NXPH1: variants seen among roughly 807,000 people sequenced by gnomAD.
The protein encoded by NXPH1 is neurexophilin 1, also known as neurexophilin-1.
NXPH1 carries 5 observed loss-of-function variants against 23.7 expected under a neutral mutation model. That is an observed-to-expected ratio of 0.21 (90% confidence interval 0.11 to 0.44). The LOEUF (loss-of-function observed/expected upper bound fraction) is 0.44. Among genes scored for constraint, NXPH1 ranks in the 20% least tolerant of loss-of-function variants. The pLI is 0.99. For synonymous variants in NXPH1, 144 were observed against 122.2 expected, an observed-to-expected ratio of 1.18 and a Z score of -1.18; for missense variants, 324 against 321.6, an observed-to-expected ratio of 1.01 and a Z score of -0.06.
intron 2 of NXPH1, among the ~76,000 whole-genome samples, chr7:8,539,951 G>A (rs1818087286): frequency 6.6e-6 from 1 of 151,758 alleles, no homozygotes; most frequent in Non-Finnish European, 1.5e-5. Flanking sequence ...ATATGTGCAA[G>A]ACAGTAAACC....
chr7:8,745,330 G>T (rs1411103979), intron 2 of NXPH1, among the ~76,000 whole-genome samples: 4 of 150,226 alleles, frequency 2.7e-5, no homozygotes, highest in Non-Finnish European at 4.4e-5. Flanking sequence ...CTTGTTTTTT[G>T]TGTATGGTGA....
intron 2 of NXPH1, among the ~76,000 whole-genome samples, chr7:8,476,885 T>C (rs1475911166): frequency 2.0e-5 from 3 of 152,170 alleles, no homozygotes; most frequent in Non-Finnish European, 4.4e-5. Flanking sequence ...CTAACAACCA[T>C]ATAGAACTAT....
At chr7:8,451,131 T>A (rs963010904) in intron 2 of NXPH1, among the ~76,000 whole-genome samples, 1 of 150,154 alleles carries the variant, frequency 6.7e-6, no homozygotes, top group Non-Finnish European at 1.5e-5. Flanking sequence ...TTTTCAACTA[T>A]CATCTGTGTT....
intron 2 of NXPH1, among the ~76,000 whole-genome samples, chr7:8,552,171 G>A (rs902085268): frequency 1.4e-5 from 2 of 143,082 alleles, no homozygotes; most frequent in Non-Finnish European, 3.0e-5. Flanking sequence ...CCGTTAAGGA[G>A]AGTAATGTAA....
chr7:8,714,584 A>G (rs1213990780), intron 2 of NXPH1, among the ~76,000 whole-genome samples: 1 of 151,968 alleles, frequency 6.6e-6, no homozygotes, highest in East Asian at 2.0e-4. Context: ...GTCTCGCCCA[A>G]TGCCCACAGT....
intron 2 of NXPH1, among the ~76,000 whole-genome samples, chr7:8,724,104 T>G (rs1013233596): frequency 6.6e-6 from 1 of 152,202 alleles, no homozygotes; most frequent in Non-Finnish European, 1.5e-5. Flanking sequence ...TTAGTAGTAG[T>G]TCCTTCAACA....
At chr7:8,668,752 G>A (rs1820820375) in intron 2 of NXPH1, among the ~76,000 whole-genome samples, 1 of 152,106 alleles carries the variant, frequency 6.6e-6, no homozygotes, top group African/African-American at 2.4e-5. Flanking sequence ...GCTGCAGCAG[G>A]CCTGAAGCTT....
intron 2 of NXPH1, among the ~76,000 whole-genome samples, chr7:8,696,986 T>C (rs1318648842): frequency 7.8e-6 from 1 of 128,264 alleles, no homozygotes; most frequent in Admixed American, 7.7e-5. Context: ...GGCAAAACCC[T>C]GTCTCTACTA....
At chr7:8,668,319 T>C (rs1332498959) in intron 2 of NXPH1, among the ~76,000 whole-genome samples, 1 of 149,152 alleles carries the variant, frequency 6.7e-6, no homozygotes, top group Non-Finnish European at 1.5e-5. Context: ...TTTGGAGAAG[T>C]TGAGACTTAT....
chr7:8,567,210 T>C (rs1818562296), intron 2 of NXPH1, among the ~76,000 whole-genome samples: 6 of 152,082 alleles, frequency 3.9e-5, no homozygotes, highest in Middle Eastern at 3.4e-3. Flanking sequence ...TAAGTTCTTT[T>C]GGGTTTTCTA....
At chr7:8,615,093 A>G (rs111746013) in intron 2 of NXPH1, among the ~76,000 whole-genome samples, 1,588 of 152,112 alleles carry the variant, frequency 0.01, 40 homozygotes, top group African/African-American at 0.036. Flanking sequence ...TTCAAATGAA[A>G]CTGTATGACG....
intron 2 of NXPH1, among the ~76,000 whole-genome samples, chr7:8,631,335 C>G (rs1820123808): frequency 1.3e-5 from 2 of 152,082 alleles, no homozygotes; most frequent in African/African-American, 4.8e-5. Context: ...GGAAGACATC[C>G]TAGGCAATAC....
intron 2 of NXPH1, among the ~76,000 whole-genome samples, chr7:8,527,259 C>T (rs150830888): frequency 1.5e-3 from 223 of 152,316 alleles, no homozygotes; most frequent in African/African-American, 4.9e-3. Context: ...TGACGTGTCG[C>T]CTCCCATGCA....
In NXPH1 at chr7:8,666,709, G is replaced by A. The variant is rs191491731; in HGVS notation, c.55-84299G>A. On this transcript the variant is annotated intron_variant, in intron 2 of 2. Coordinates refer to ENST00000405863, the MANE Select transcript of NXPH1 (RefSeq NM_152745.3). ...TATTGCTTATGTAATTTCCTTACTC[G>A]TTATTGGTATGTTTGGGTTTTCTAT... Among the ~76,000 whole-genome samples, 51 of 152,010 alleles carry A rather than the reference G, an allele frequency of 3.4e-4. No homozygotes were observed. The Middle Eastern group carries it at 0.014, about 41-fold the overall frequency.
chr7:8,458,045 T>C (rs193250552), intron 2 of NXPH1, among the ~76,000 whole-genome samples: 1 of 152,356 alleles, frequency 6.6e-6, no homozygotes, highest in African/African-American at 2.4e-5. Flanking sequence ...TAATTGGAAC[T>C]GATGCATTTC....
intron 2 of NXPH1, among the ~76,000 whole-genome samples, chr7:8,586,119 C>A (rs1214952476): frequency 6.6e-6 from 1 of 152,120 alleles, no homozygotes; most frequent in Non-Finnish European, 1.5e-5. Context: ...CACACCGTAT[C>A]TATCTTAGTT....
intron 2 of NXPH1, among the ~76,000 whole-genome samples, chr7:8,730,959 C>T (rs960062475): frequency 4.7e-5 from 7 of 148,772 alleles, no homozygotes; most frequent in African/African-American, 1.8e-4. Context: ...TCCATTCTCC[C>T]CATCACTTTC....
chr7:8,529,635 A>G (rs1817921197), intron 2 of NXPH1, among the ~76,000 whole-genome samples: 1 of 152,228 alleles, frequency 6.6e-6, no homozygotes, highest in Non-Finnish European at 1.5e-5. Context: ...CAATCAAATT[A>G]TTTAATTATA....
intron 2 of NXPH1, among the ~76,000 whole-genome samples, chr7:8,565,749 A>G (rs1033596209): frequency 2.0e-5 from 3 of 151,842 alleles, no homozygotes; most frequent in Non-Finnish European, 2.9e-5. Flanking sequence ...ATAAACTTAT[A>G]CTACCTCTTG....
Sources: gnomAD v4.1 joint callset for allele counts (sites outside exome capture counted in the v4.1 genomes callset) on GRCh38, gnomAD v4.1.1 for gene constraint, MANE v1.5 for transcripts, NCBI Gene and HGNC (gene_info 2026-07-23, HGNC 2026-07-21) for gene names.